DPY19L3: variants seen among roughly 807,000 people sequenced by gnomAD.
The protein encoded by DPY19L3 is dpy-19 like C-mannosyltransferase 3.
In DPY19L3, 51 loss-of-function variants were observed where a neutral mutation model predicts 92.3. That is an observed-to-expected ratio of 0.55 (90% CI 0.44 to 0.70). The LOEUF (loss-of-function observed/expected upper bound fraction) is 0.70. Ranked by LOEUF, DPY19L3 falls within the 30% of genes least tolerant of loss-of-function variation. The pLI, the probability that DPY19L3 is intolerant of heterozygous loss-of-function variation, is 0.00. For synonymous variants in DPY19L3, 309 were observed against 315.2 expected (o/e 0.98, Z 0.21); for missense variants, 706 against 855.9 (o/e 0.82, Z 2.18).
At chr19:32,408,811 T>C (rs530436464) in intron 2 of DPY19L3, among the ~76,000 whole-genome samples, 1 of 151,768 alleles carries the variant, frequency 6.6e-6, no homozygotes, top group Non-Finnish European at 1.5e-5. Flanking sequence ...TTTTTTTTTC[T>C]TTTATTGGTG....
chr19:32,439,928 T>C lies in DPY19L3; in HGVS notation c.855+18T>C. 1.2e-6 allele frequency: 2 copies of C among 1,610,436 alleles called. No individual in the cohort carries two copies. The highest frequency in any genetic ancestry group is 1.7e-6 in the Non-Finnish European group (2 of 1,178,906). On this transcript the variant is annotated intron_variant, in intron 8 of 18. Transcript: ENST00000392250. Reference sequence around the variant, plus strand: ...CAGTGAAGGTGAGCTTTGCTTTCTTTTCTCACTTGAGATTTTGGCCATTTA... The same window carrying C: ...CAGTGAAGGTGAGCTTTGCTTTCTTCTCTCACTTGAGATTTTGGCCATTTA...
chr19:32,471,588 G>A (rs1234042233), intron 16 of DPY19L3, among the ~76,000 whole-genome samples: 1 of 152,178 alleles, frequency 6.6e-6, no homozygotes, highest in Admixed American at 6.5e-5. Context: ...ACACCTGGAA[G>A]TGTCCCGCCC....
In DPY19L3 at chr19:32,480,296, G is replaced by T. The variant is rs1012419891; in HGVS notation, c.1831-103G>T. ...GCCTGGGCTGGAGAGAGCACCTTGG[G>T]TGTTAGGTCTTAGACTCAGCCCTGT... On this transcript the variant is annotated intron_variant, in intron 17 of 18. Coordinates refer to ENST00000392250, the MANE Select transcript of DPY19L3 (RefSeq NM_001172774.2). 3.8e-6 allele frequency: 5 copies of T among 1,309,962 alleles called. No homozygotes were observed. The African/African-American group carries it at 4.4e-5, about 12-fold the overall frequency. The allele number at this position is 1,309,962 out of a possible 1,614,324, so 81.1% of individuals were successfully genotyped here.
At chr19:32,407,272 AC>A (rs923773742) in intron 1 of DPY19L3, among the ~76,000 whole-genome samples, 2 of 93,512 alleles carry the variant, frequency 2.1e-5, no homozygotes, top group Non-Finnish European at 4.4e-5. Flanking sequence ...GCTCCCCCCC[AC>A]CCATTACTCC....
rs548843786 is a variant in DPY19L3, at chr19:32,432,629, T to A, written c.238-87T>A. The A allele has an allele frequency of 1.0e-4, 111 of 1,101,114 alleles. No individual in the cohort carries two copies. The African/African-American group carries it at 1.7e-3, about 17-fold the overall frequency. The allele number at this position is 1,101,114 out of a possible 1,614,324, so 68.2% of individuals were successfully genotyped here. A position where few individuals can be genotyped will look rare whatever the true frequency, so the allele number is the denominator to read the frequency against. ...TTTTCAGAGTTTTTTCTCTTTCAAG[T>A]TGCAGTTATGTATCCTTTCTACAGT... On this transcript the variant is annotated intron_variant, in intron 3 of 18. Coordinates refer to ENST00000392250, the MANE Select transcript of DPY19L3 (RefSeq NM_001172774.2).
chr19:32,480,522 C>T lies in DPY19L3; in HGVS notation c.1954C>T (p.Arg652Ter), dbSNP rs751048098. The change falls in exon 18 of 19, where the codon CGA (arginine) becomes TGA (stop). Residue 652 changes from arginine to a stop codon, truncating the protein, a stop_gained. Transcript: ENST00000392250. LOFTEE classifies it high-confidence loss of function. Reference sequence around the variant, plus strand: ...CGAGCGGAGGCACCGCCGGGGCTGCCGACTCCGGGACCTGCTGGACATTGC... The same window carrying T: ...CGAGCGGAGGCACCGCCGGGGCTGCTGACTCCGGGACCTGCTGGACATTGC... ...CYERRHRRGC[R>*]LRDLLDIANG... The T allele has an allele frequency of 6.2e-6, 10 of 1,613,806 alleles. No homozygotes were observed. Among genetic ancestry groups the T allele is most frequent in the Non-Finnish European group, 7.6e-6 (9 of 1,179,914 alleles).
At chr19:32,442,762 T>C (rs1421050495) in intron 8 of DPY19L3, among the ~76,000 whole-genome samples, 1 of 152,210 alleles carries the variant, frequency 6.6e-6, no homozygotes, top group African/African-American at 2.4e-5. Flanking sequence ...AACTGCCTTA[T>C]TCTAGCGAAA....
intron 3 of DPY19L3, among the ~76,000 whole-genome samples, chr19:32,421,157 T>C (rs1968553984): frequency 6.6e-6 from 1 of 152,232 alleles, no homozygotes; most frequent in South Asian, 2.1e-4. Context: ...AGTTAGATTG[T>C]TTATAATAGT....
intron 3 of DPY19L3, among the ~76,000 whole-genome samples, chr19:32,414,370 G>A (rs530420597): frequency 2.0e-4 from 31 of 151,510 alleles, no homozygotes; most frequent in Admixed American, 1.4e-3. Flanking sequence ...GCAGTGAGCC[G>A]TGATCGCACC....
chr19:32,476,748 A>G (rs150182902), intron 16 of DPY19L3, among the ~76,000 whole-genome samples: 97 of 152,200 alleles, frequency 6.4e-4, no homozygotes, highest in South Asian at 1.2e-3. Context: ...TGTTCCTTAA[A>G]CTGCATATAG....
intron 8 of DPY19L3, among the ~76,000 whole-genome samples, chr19:32,442,200 C>T (rs1969346480): frequency 6.6e-6 from 1 of 152,182 alleles, no homozygotes; most frequent in African/African-American, 2.4e-5. Flanking sequence ...GTACCTTCTA[C>T]AGTACATTTT....
chr19:32,457,161 G>A (rs999052784), intron 10 of DPY19L3, among the ~76,000 whole-genome samples: 5 of 152,070 alleles, frequency 3.3e-5, no homozygotes, highest in South Asian at 2.1e-4. Context: ...TTGACTCCCC[G>A]AAGAATAACA....
chr19:32,438,755 TACAG>T (rs974809327), intron 6 of DPY19L3, among the ~76,000 whole-genome samples: 4 of 151,932 alleles, frequency 2.6e-5, no homozygotes, highest in Non-Finnish European at 4.4e-5. Context: ...ACCAAAGAAA[TACAG>T]AGAGAGGGAA....
chr19:32,459,267 G>C (rs1025262541), intron 12 of DPY19L3, among the ~76,000 whole-genome samples: 3 of 152,104 alleles, frequency 2.0e-5, no homozygotes, highest in South Asian at 2.1e-4. Context: ...TTGACTCTTC[G>C]TGTTAAACTG....
At chr19:32,441,871 AT>A (rs1197776730) in intron 8 of DPY19L3, among the ~76,000 whole-genome samples, 54 of 152,198 alleles carry the variant, frequency 3.5e-4, no homozygotes, top group African/African-American at 1.3e-3. Context: ...TTAAAATAAT[AT>A]AGCTAATTGA....
chr19:32,477,962 C>G (rs1002633609), intron 17 of DPY19L3, among the ~76,000 whole-genome samples: 2 of 152,164 alleles, frequency 1.3e-5, no homozygotes, highest in African/African-American at 2.4e-5. Flanking sequence ...TGCAGGGAAA[C>G]TCCCCCTTAT....
At chr19:32,425,921 T>C (rs1016783316) in intron 3 of DPY19L3, among the ~76,000 whole-genome samples, 1 of 152,222 alleles carries the variant, frequency 6.6e-6, no homozygotes, top group South Asian at 2.1e-4. Flanking sequence ...AGTCAGCCTA[T>C]GCTCTGAAGC....
chr19:32,473,472 T>C (rs946390613), intron 16 of DPY19L3, among the ~76,000 whole-genome samples: 1 of 152,238 alleles, frequency 6.6e-6, no homozygotes, highest in East Asian at 1.9e-4. Flanking sequence ...CCCAGCATTA[T>C]GTCCATCACT....
intron 8 of DPY19L3, among the ~76,000 whole-genome samples, chr19:32,440,857 G>A (rs1437916779): frequency 6.6e-6 from 1 of 152,136 alleles, no homozygotes; most frequent in African/African-American, 2.4e-5. Flanking sequence ...AGGCAGAGAA[G>A]TGTTTACAGA....
Sources: gnomAD v4.1 joint callset for allele counts (sites outside exome capture counted in the v4.1 genomes callset) on GRCh38, gnomAD v4.1.1 for gene constraint, MANE v1.5 for transcripts, NCBI Gene and HGNC (gene_info 2026-07-23, HGNC 2026-07-21) for gene names.